DGKB: variants seen among roughly 807,000 people sequenced by gnomAD.
The protein encoded by DGKB is diacylglycerol kinase beta.
A neutral mutation model predicts 114.3 loss-of-function variants in DGKB; 67 were observed. The observed-to-expected ratio is 0.59, with a 90% CI of 0.48 to 0.72. The LOEUF is 0.72. DGKB is among the 30% of genes least tolerant of loss of function. The pLI is 0.00. For missense variants in DGKB, 907 were observed against 975.2 expected (o/e 0.93, Z 0.93); for synonymous variants, 398 against 323.1 (o/e 1.23, Z -2.49).
chr7:14,972,858 T>G (rs766182125), intron 1 of DGKB, among the ~76,000 whole-genome samples: 5 of 152,200 alleles, frequency 3.3e-5, no homozygotes, highest in Non-Finnish European at 7.4e-5. Flanking sequence ...CTTTCCACTC[T>G]AAACACAAAG....
chr7:14,267,664 A>AT (rs1430349935), intron 23 of DGKB, among the ~76,000 whole-genome samples: 2 of 151,104 alleles, frequency 1.3e-5, no homozygotes, highest in African/African-American at 4.9e-5. Flanking sequence ...AATTTTTTGT[A>AT]TTTTTTAGCA....
At chr7:14,680,559 A>C (rs1390097948) in intron 12 of DGKB, among the ~76,000 whole-genome samples, 1 of 151,836 alleles carries the variant, frequency 6.6e-6, no homozygotes, top group African/African-American at 2.4e-5. Context: ...AGAACCATTA[A>C]AACAAAAAGG....
intron 13 of DGKB, among the ~76,000 whole-genome samples, chr7:14,659,358 C>A (rs1451646459): frequency 6.6e-6 from 1 of 151,988 alleles, no homozygotes; most frequent in Non-Finnish European, 1.5e-5. Context: ...TTCTTCCTAC[C>A]CATGAGCATG....
At chr7:14,492,300 T>G (rs967318305) in intron 20 of DGKB, among the ~76,000 whole-genome samples, 1 of 151,910 alleles carries the variant, frequency 6.6e-6, no homozygotes, top group South Asian at 2.1e-4. Flanking sequence ...AAGGATCAAA[T>G]CTTGTTGAGG....
At chr7:14,731,643 G>A (rs996961425) in intron 5 of DGKB, among the ~76,000 whole-genome samples, 2 of 152,248 alleles carry the variant, frequency 1.3e-5, no homozygotes, top group African/African-American at 2.4e-5. Flanking sequence ...TGATATGGGA[G>A]ATGACAATTT....
chr7:14,394,361 T>C (rs527674708), intron 21 of DGKB, among the ~76,000 whole-genome samples: 19 of 152,346 alleles, frequency 1.2e-4, no homozygotes, highest in African/African-American at 3.8e-4. Context: ...TTTCTTTGAA[T>C]AGATTTATTT....
intron 1 of DGKB, among the ~76,000 whole-genome samples, chr7:14,917,917 C>A (rs1015315107): frequency 6.6e-6 from 1 of 151,946 alleles, no homozygotes; most frequent in Admixed American, 6.6e-5. Flanking sequence ...CCACCAAGTG[C>A]GATTTATTCC....
At chr7:14,833,916 G>C (rs1347170797) in intron 2 of DGKB, among the ~76,000 whole-genome samples, 1 of 152,032 alleles carries the variant, frequency 6.6e-6, no homozygotes, top group Non-Finnish European at 1.5e-5. Flanking sequence ...CAAGAATCTT[G>C]CATACGTAAC....
chr7:14,675,950 T>C (rs1050344302), intron 12 of DGKB, among the ~76,000 whole-genome samples: 1 of 152,048 alleles, frequency 6.6e-6, no homozygotes, highest in Non-Finnish European at 1.5e-5. Flanking sequence ...TGAATCAAAT[T>C]TGTATGACAG....
At chr7:14,458,701 C>G (rs1168054061) in intron 21 of DGKB, among the ~76,000 whole-genome samples, 1 of 152,184 alleles carries the variant, frequency 6.6e-6, no homozygotes, top group Non-Finnish European at 1.5e-5. Flanking sequence ...TCTTTGCAAC[C>G]TGCACACCAG....
At chr7:14,526,178 G>A (rs2128579493) in intron 20 of DGKB, among the ~76,000 whole-genome samples, 1 of 152,210 alleles carries the variant, frequency 6.6e-6, no homozygotes, top group Middle Eastern at 3.4e-3. Flanking sequence ...GGTCAATTCA[G>A]TGTGCACTCA....
chr7:14,540,113 C>T (rs1485583288), intron 20 of DGKB, among the ~76,000 whole-genome samples: 1 of 151,956 alleles, frequency 6.6e-6, no homozygotes, highest in Non-Finnish European at 1.5e-5. Context: ...AAGGAAGAAG[C>T]TAATGATATT....
At chr7:14,704,227 A>G (rs1316314157) in intron 6 of DGKB, among the ~76,000 whole-genome samples, 1 of 150,708 alleles carries the variant, frequency 6.6e-6, no homozygotes, top group Non-Finnish European at 1.5e-5. Flanking sequence ...CGAGGTCAGG[A>G]GATCGAGACC....
chr7:14,937,142 A>G (rs1785317105), intron 1 of DGKB, among the ~76,000 whole-genome samples: 2 of 151,300 alleles, frequency 1.3e-5, no homozygotes, highest in Non-Finnish European at 2.9e-5. Context: ...ACATGTCTTC[A>G]TGGCTTTTAC....
At chr7:14,947,551 TATATTAAATG>T in intron 1 of DGKB, among the ~76,000 whole-genome samples, 3 of 151,484 alleles carry the variant, frequency 2.0e-5, no homozygotes, top group South Asian at 2.1e-4. Context: ...TACAATAGGA[TATATTAAATG>T]ATACTCATAG....
At chr7:14,648,585 C>T (rs1274800533) in intron 13 of DGKB, among the ~76,000 whole-genome samples, 4 of 152,092 alleles carry the variant, frequency 2.6e-5, no homozygotes, top group Admixed American at 6.5e-5. Context: ...AAAAGCAGAG[C>T]GCCTCTCCTC....
chr7:14,852,001 C>G (rs1281939492), intron 1 of DGKB, among the ~76,000 whole-genome samples: 1 of 152,116 alleles, frequency 6.6e-6, no homozygotes, highest in Non-Finnish European at 1.5e-5. Context: ...TTCTACTATG[C>G]CCATTCTGAA....
intron 21 of DGKB, among the ~76,000 whole-genome samples, chr7:14,402,478 G>T (rs1583667493): frequency 6.6e-6 from 1 of 151,820 alleles, no homozygotes; most frequent in African/African-American, 2.4e-5. Context: ...TTTAGGAATT[G>T]CATATTTTAA....
At chr7:14,643,223 G>C (rs569059718) in intron 13 of DGKB, among the ~76,000 whole-genome samples, 3 of 152,276 alleles carry the variant, frequency 2.0e-5, no homozygotes, top group South Asian at 4.1e-4. Flanking sequence ...GAAAAAGGTA[G>C]GTGGGAGATT....
Sources: gnomAD v4.1 joint callset for allele counts (sites outside exome capture counted in the v4.1 genomes callset) on GRCh38, gnomAD v4.1.1 for gene constraint, MANE v1.5 for transcripts, NCBI Gene and HGNC (gene_info 2026-07-23, HGNC 2026-07-21) for gene names.